The following RNF151 variants were observed in gnomAD, a reference collection of about 807,000 sequenced individuals.
RNF151 encodes the protein ring finger protein 151.
A neutral mutation model predicts 11.1 loss-of-function variants in RNF151; 9 were observed. That is an observed-to-expected ratio of 0.81 (90% CI 0.49 to 1.42). The LOEUF is 1.42. Ranked by LOEUF, RNF151 falls within the 40% of genes most tolerant of loss-of-function variation. The probability of loss-of-function intolerance (pLI) is 0.00; values close to 1 mark genes in which losing one functional copy is unlikely to be tolerated. For synonymous variants in RNF151, 172 were observed against 140.7 expected (o/e 1.22, Z -1.58); for missense variants, 372 against 342.9 (o/e 1.08, Z -0.67).
At chr16:1,967,470 C>A in intron 2 of RNF151, 51 bp downstream of exon 2, 1 of 1,527,906 alleles carries the variant, frequency 6.5e-7, no homozygotes, top group South Asian at 1.2e-5. Context: ...GACTGGGGGC[C>A]ATTGCTGTGG....
intron 3 of RNF151, 134 bp downstream of exon 3, chr16:1,967,955 G>A: frequency 1.3e-6 from 1 of 745,078 alleles, no homozygotes; most frequent in Non-Finnish European, 2.4e-6. Flanking sequence ...ACCAGACATA[G>A]CTGAGTTTGG....
chr16:1,967,475 C>A (rs1054319864), intron 2 of RNF151, 56 bp downstream of exon 2: 2 of 1,507,728 alleles, frequency 1.3e-6, no homozygotes, highest in South Asian at 2.3e-5. Flanking sequence ...GGGGCCATTG[C>A]TGTGGCCCAG....
chr16:1,967,690 T>A, intron 2 of RNF151, 35 bp from the exon 3 acceptor site: 1 of 1,541,930 alleles, frequency 6.5e-7, no homozygotes, highest in East Asian at 2.3e-5. Flanking sequence ...CCCTTCCCAC[T>A]CCCAACACTC....
rs2083323527 is a variant in RNF151 at position 1,967,673 on chromosome 16, C to G, written c.150-52C>G. Reference sequence around the variant, plus strand: ...CTGGGTCACCGAGTGAGGGCTTGACCAGGGCTCCCTTCCCACTCCCAACAC... The same window carrying G: ...CTGGGTCACCGAGTGAGGGCTTGACGAGGGCTCCCTTCCCACTCCCAACAC... On this transcript the variant is annotated intron_variant, in intron 2 of 3. Coordinates refer to ENST00000569714, the MANE Select transcript of RNF151 (RefSeq NM_174903.6). 5 of 1,439,916 alleles carry G rather than the reference C, an allele frequency of 3.5e-6. No individual in the cohort carries two copies. In the South Asian group the frequency reaches 6.0e-5, roughly 17 times the overall value. The allele number at this position is 1,439,916 out of a possible 1,614,324, so 89.2% of individuals were successfully genotyped here.
chr16:1,968,288 C>G lies in RNF151; in HGVS notation c.247-146C>G. ...GCTTCTTCCCACGTCTAGGCATTTG[C>G]CCCAGTGTTCTCTCCACCAACTCAC... On this transcript the variant is annotated intron_variant, in intron 3 of 3. Coordinates refer to ENST00000569714, the MANE Select transcript of RNF151 (RefSeq NM_174903.6). 8.8e-6 allele frequency: 9 copies of G among 1,025,956 alleles called. No homozygotes were observed. The East Asian group carries it at 2.1e-4, about 24-fold the overall frequency. The allele number at this position is 1,025,956 out of a possible 1,614,324, so 63.6% of individuals were successfully genotyped here.
chr16:1,968,949 C>T lies in RNF151; in HGVS notation c.*24C>T, dbSNP rs748043723. The T allele has an allele frequency of 1.3e-5, 20 of 1,547,778 alleles. No homozygotes were observed. The highest frequency in any genetic ancestry group is 1.7e-5 in the Non-Finnish European group (20 of 1,143,724). ...AGGTAAATAAAAGCAGACCCCCGGC[C>T]TGCCTGCCTCTGTGCCTGCGGCCCT... On this transcript the variant is annotated 3_prime_UTR_variant, in exon 4 of 4. Transcript: ENST00000569714.
intron 3 of RNF151, chr16:1,968,076 CAGAGGATTTTT>C (rs2083327363): frequency 1.4e-6 from 1 of 692,122 alleles, no homozygotes; most frequent in African/African-American, 1.8e-5. Flanking sequence ...ATGGAGATTA[CAGAGGATTTTT>C]AGAGGATCAA....
In RNF151 at chr16:1,968,727, G is replaced by A. The variant is rs549830112; in HGVS notation, c.540G>A (p.Leu180=). 5.7e-4 allele frequency: 894 copies of A among 1,570,088 alleles called. 4 individuals are homozygous for A. Among genetic ancestry groups the A allele is most frequent in the Non-Finnish European group, 9.1e-5 (106 of 1,158,568 alleles). ...AGGAGCGCCGTCGGCCCCTGCTGCT[G>A]TCCCTCCTGCGGCGTGTGCGCTGGC... ...VRQERRRPLL[L]SLLRRVRWLD... is the part of the protein sequence containing the mutation. The change falls in exon 4 of 4, where the codon CTG becomes CTA. Residue 180 remains leucine, a synonymous_variant. Coordinates refer to ENST00000569714, the MANE Select transcript of RNF151 (RefSeq NM_174903.6).
At chr16:1,967,639 AG>A (rs2083323208) in intron 2 of RNF151, 85 bp from the exon 3 acceptor site, 4 of 1,164,154 alleles carry the variant, frequency 3.4e-6, no homozygotes, top group Admixed American at 2.0e-5. Context: ...CAGCTAATGA[AG>A]GGACCACCTG....
rs2083334456 is a variant in RNF151, at chr16:1,968,691, G to A, written c.504G>A (p.Trp168Ter). 1.3e-6 allele frequency: 2 copies of A among 1,566,836 alleles called. No individual in the cohort carries two copies. Among genetic ancestry groups the A allele is most frequent in the Non-Finnish European group, 1.7e-6 (2 of 1,156,672 alleles). Residue 168 changes from tryptophan (W) to a stop codon, truncating the protein, a stop_gained, in exon 4 of 4, where the codon TGG (tryptophan) becomes TGA (stop). Transcript: ENST00000569714. LOFTEE classifies it low-confidence loss of function (END_TRUNC). ...HNCYRELHNAWSVRQERRRPL... is the reference protein window; with the variant it reads ...HNCYRELHNA ...GCTACCGGGAGCTGCACAACGCCTG[G>A]AGCGTGCGCCAGGAGCGCCGTCGGC...
chr16:1,966,964 C>T, intron 1 of RNF151, 80 bp downstream of exon 1: 1 of 1,463,438 alleles, frequency 6.8e-7, no homozygotes, highest in Non-Finnish European at 9.2e-7. Flanking sequence ...CAGGGATCGA[C>T]CCCACTCCAC....
At position 1,967,834 on chromosome 16, in the gene RNF151, A is replaced by AC. The variant is rs759534700; in HGVS notation, c.246+16dup. ...CCTGGAAGTCAAGGTAGCTCAAAGT[A>AC]CCCACTCCCCTGACCCTCAACCCTT... On this transcript the variant is annotated intron_variant, in intron 3 of 3. Coordinates refer to ENST00000569714, the MANE Select transcript of RNF151 (RefSeq NM_174903.6). 6.3e-7 allele frequency: 1 copy of AC among 1,583,704 alleles called. No individual in the cohort carries two copies. Among genetic ancestry groups the AC allele is most frequent in the East Asian group, 2.3e-5 (1 of 44,038 alleles).
Position 1,968,882 on chromosome 16 carries a change from C to CTGAGGTGG in RNF151, c.698_705dup (p.Gly236ArgfsTer15). 5 of 1,600,562 alleles carry CTGAGGTGG rather than the reference C, an allele frequency of 3.1e-6. No individual in the cohort carries two copies. The highest frequency in any genetic ancestry group is 4.3e-6 in the Non-Finnish European group (5 of 1,174,376). ...GCTGCCCCAGAAGGCAACGTTGGGG[C>CTGAGGTGG]TGAGGTGGTGGGGGAGCCCAGGGCC... On this transcript the variant is annotated frameshift_variant, in exon 4 of 4. Transcript: ENST00000569714. LOFTEE classifies it high-confidence loss of function.
rs765784289 is a variant in RNF151, at chr16:1,968,483, G to A, written c.296G>A (p.Arg99His). The change falls in exon 4 of 4, where the codon CGC becomes CAC. Residue 99 changes from arginine to histidine, a missense_variant. Physicochemically the swap from Arg to His is conservative, Grantham distance 29. Transcript: ENST00000569714. Reference sequence around the variant, plus strand: ...ATAGTGACATGCCCCCTGGCCCATCGCAAGGGGCACCAGGACTCATGCCCC... The same window carrying A: ...ATAGTGACATGCCCCCTGGCCCATCACAAGGGGCACCAGGACTCATGCCCC... ...GCIVTCPLAHRKGHQDSCPFE... is the reference protein window; with the variant it reads ...GCIVTCPLAHHKGHQDSCPFE... The A allele has an allele frequency of 2.1e-5, 34 of 1,590,136 alleles. No homozygotes were observed. The East Asian group carries it at 3.0e-4, about 14-fold the overall frequency.
chr16:1,967,482 C>T, intron 2 of RNF151, 63 bp downstream of exon 2: 7 of 1,468,968 alleles, frequency 4.8e-6, no homozygotes, highest in Non-Finnish European at 4.7e-6. Flanking sequence ...TTGCTGTGGC[C>T]CAGAACAGAG....
chr16:1,967,678 C>T (rs752298725), intron 2 of RNF151, 47 bp from the exon 3 acceptor site: 7 of 1,463,352 alleles, frequency 4.8e-6, no homozygotes, highest in Non-Finnish European at 6.6e-6. Context: ...TTGACCAGGG[C>T]TCCCTTCCCA....
intron 3 of RNF151, chr16:1,968,128 TCCCCTA>T (rs2083327690): frequency 9.4e-6 from 6 of 637,308 alleles, no homozygotes; most frequent in Non-Finnish European, 1.7e-5. Flanking sequence ...TACTCTCTAG[TCCCCTA>T]GTTTTACAGA....
At chr16:1,968,354 C>G in intron 3 of RNF151, 80 bp from the exon 4 acceptor site, 1 of 1,435,778 alleles carries the variant, frequency 7.0e-7, no homozygotes, top group Non-Finnish European at 9.1e-7. Flanking sequence ...TTCCCTGGTT[C>G]CTGGCGAATG....
intron 1 of RNF151, 71 bp downstream of exon 1, chr16:1,966,955 A>G: frequency 1.3e-6 from 2 of 1,501,348 alleles, no homozygotes; most frequent in Non-Finnish European, 1.8e-6. Flanking sequence ...CCAGTTGTCC[A>G]GGGATCGACC....
Sources: allele counts gnomAD v4.1 joint callset, GRCh38; gene constraint gnomAD v4.1.1; transcripts MANE v1.5; gene names NCBI Gene and HGNC (gene_info 2026-07-23, HGNC 2026-07-21).